The following GSE1 variants were observed in gnomAD, a reference collection of about 807,000 sequenced individuals.
GSE1 encodes the protein genetic suppressor element 1.
A neutral mutation model predicts 112.6 loss-of-function variants in GSE1; 32 were observed. The ratio of observed to expected loss-of-function variants is 0.28; its 90% CI spans 0.21 to 0.38. GSE1 has a LOEUF of 0.38. GSE1 is among the 10% of genes least tolerant of loss of function. The probability of loss-of-function intolerance (pLI) is 1.00; values close to 1 mark genes in which losing one functional copy is unlikely to be tolerated. For synonymous variants in GSE1, 1,115 were observed against 735.6 expected (o/e 1.52, Z -8.35); for missense variants, 2,348 against 1,699.2 (o/e 1.38, Z -6.71).
chr16:85,249,225 A>G (rs1031191203), intron 1 of GSE1, among the ~76,000 whole-genome samples: 1 of 152,232 alleles, frequency 6.6e-6, no homozygotes, highest in Non-Finnish European at 1.5e-5. Flanking sequence ...GTAGCCCAGT[A>G]TACCCAGCCA....
intron 3 of GSE1, among the ~76,000 whole-genome samples, chr16:85,650,793 C>T (rs1349540568): frequency 2.0e-5 from 3 of 152,052 alleles, no homozygotes; most frequent in Non-Finnish European, 4.4e-5. Context: ...AGAGGATTCC[C>T]CTCCCACCCG....
At chr16:85,586,550 G>A (rs1000958123) in intron 1 of GSE1, among the ~76,000 whole-genome samples, 5 of 152,204 alleles carry the variant, frequency 3.3e-5, no homozygotes, top group African/African-American at 7.2e-5. Context: ...CCCGGGAGCC[G>A]GGCCACACCA....
At chr16:85,378,314 C>G (rs2047468821) in intron 2 of GSE1, among the ~76,000 whole-genome samples, 1 of 152,212 alleles carries the variant, frequency 6.6e-6, no homozygotes, top group South Asian at 2.1e-4. Flanking sequence ...CCTGCCCATC[C>G]ACTCCAGGCC....
chr16:85,336,273 T>C (rs1343710483), intron 1 of GSE1, among the ~76,000 whole-genome samples: 1 of 152,160 alleles, frequency 6.6e-6, no homozygotes, highest in Non-Finnish European at 1.5e-5. Context: ...TTTTGAGCCT[T>C]TGTTCGTTCC....
At position 85,237,075 on chromosome 16, in the gene GSE1, C is replaced by T. The variant is rs7196888; in HGVS notation, c.2283+65268C>T. ...GCGCCGTGGCTCATGCCTGTAATCT[C>T]AGCACTTTGGGAGGCCGAAGTGGGT... On this transcript the variant is annotated intron_variant, in intron 1 of 2. Transcript: ENST00000637419. Among the ~76,000 whole-genome samples the T allele has an allele frequency of 7.8e-3, 1,181 of 152,324 alleles. 13 individuals carry two copies. The highest frequency in any genetic ancestry group is 0.026 in the African/African-American group (1,098 of 41,568).
chr16:85,211,043 T>C (rs1183357492), intron 1 of GSE1, among the ~76,000 whole-genome samples: 2 of 152,262 alleles, frequency 1.3e-5, no homozygotes, highest in Non-Finnish European at 2.9e-5. Context: ...CAGGTTTTGC[T>C]GATACTGGCT....
At chr16:85,323,923 C>T (rs890406905) in intron 1 of GSE1, among the ~76,000 whole-genome samples, 10 of 152,312 alleles carry the variant, frequency 6.6e-5, no homozygotes, top group East Asian at 3.9e-4. Context: ...GCCTTGAGCC[C>T]GAATCTGCCT....
intron 8 of GSE1, chr16:85,659,643 T>G (rs917380974): frequency 6.6e-6 from 1 of 152,204 alleles, no homozygotes; most frequent in Non-Finnish European, 1.5e-5. Flanking sequence ...GCCACTGCAC[T>G]CCAGCCTGGG....
chr16:85,563,556 C>G (rs1038320907), intron 1 of GSE1, among the ~76,000 whole-genome samples: 2 of 152,150 alleles, frequency 1.3e-5, no homozygotes, highest in Admixed American at 1.3e-4. Context: ...AGGTCCAGGT[C>G]TTATCTCCAG....
At chr16:85,602,199 G>T (rs2047496043) in intron 1 of GSE1, among the ~76,000 whole-genome samples, 1 of 152,100 alleles carries the variant, frequency 6.6e-6, no homozygotes, top group South Asian at 2.1e-4. Context: ...CCAGGGCCGG[G>T]TTAGCAGCAC....
At chr16:85,533,270 A>T (rs1467561934) in intron 2 of GSE1, among the ~76,000 whole-genome samples, 1 of 151,294 alleles carries the variant, frequency 6.6e-6, no homozygotes, top group Non-Finnish European at 1.5e-5. Flanking sequence ...AAATACAAAA[A>T]TTAGCCGGGC....
At chr16:85,614,698 C>T (rs1228933896) in intron 1 of GSE1, among the ~76,000 whole-genome samples, 1 of 152,188 alleles carries the variant, frequency 6.6e-6, no homozygotes, top group African/African-American at 2.4e-5. Flanking sequence ...GGAGTTGAGT[C>T]GGTTTGGCTC....
chr16:85,634,118 CGGA>C lies in GSE1; in HGVS notation c.217_219del (p.Glu73del). ...GCGCTGCGCAAGCTCGCCAAACAGG[CGGA>C]GGAGCCCAGAGGTAAGGGGGCCCGC... On this transcript the variant is annotated inframe_deletion, in exon 2 of 16. Coordinates refer to ENST00000253458, the MANE Select transcript of GSE1 (RefSeq NM_014615.5). The C allele has an allele frequency of 6.5e-7, 1 of 1,537,312 alleles. No individual in the cohort carries two copies. Among genetic ancestry groups the C allele is most frequent in the Non-Finnish European group, 8.7e-7 (1 of 1,147,990 alleles).
At chr16:85,475,408 G>A (rs1330888800) in intron 2 of GSE1, among the ~76,000 whole-genome samples, 2 of 152,356 alleles carry the variant, frequency 1.3e-5, no homozygotes, top group African/African-American at 2.4e-5. Context: ...CAGGCGGACC[G>A]TGTTTGTCCT....
chr16:85,293,853 G>C (rs898686129), intron 1 of GSE1, among the ~76,000 whole-genome samples: 1 of 152,140 alleles, frequency 6.6e-6, no homozygotes, highest in African/African-American at 2.4e-5. Context: ...CCAGTCTTTG[G>C]ATGGGGACCC....
chr16:85,470,223 G>A (rs1331186921), intron 2 of GSE1, among the ~76,000 whole-genome samples: 1 of 152,266 alleles, frequency 6.6e-6, no homozygotes, highest in East Asian at 1.9e-4. Flanking sequence ...GAACAAGGAG[G>A]TGCCTGAATC....
chr16:85,628,603 C>T (rs1172376472), intron 1 of GSE1, among the ~76,000 whole-genome samples: 1 of 152,304 alleles, frequency 6.6e-6, no homozygotes. Flanking sequence ...GCAGGGACAC[C>T]CCAGTTCCCT....
chr16:85,303,370 T>C (rs1231492873), intron 1 of GSE1, among the ~76,000 whole-genome samples: 1 of 152,152 alleles, frequency 6.6e-6, no homozygotes, highest in African/African-American at 2.4e-5. Context: ...CCGACCCAGA[T>C]GTTTCCAGAA....
At chr16:85,188,728 G>C (rs2074760552) in intron 1 of GSE1, among the ~76,000 whole-genome samples, 2 of 151,880 alleles carry the variant, frequency 1.3e-5, no homozygotes, top group African/African-American at 4.8e-5. Flanking sequence ...TTGAGCCGAG[G>C]AGTTCAAGGC....
Sources: allele counts gnomAD v4.1 joint callset (sites outside exome capture counted in the v4.1 genomes callset), GRCh38; gene constraint gnomAD v4.1.1; transcripts MANE v1.5; gene names NCBI Gene and HGNC (gene_info 2026-07-23, HGNC 2026-07-21).